Variants in KHDRBS1 observed in about 807,000 individuals in gnomAD.
The protein encoded by KHDRBS1 is KH RNA binding domain containing, signal transduction associated 1.
In KHDRBS1, 7 loss-of-function variants were observed where a neutral mutation model predicts 48.4. The observed-to-expected ratio is 0.14, with a 90% CI of 0.08 to 0.27. The LOEUF (loss-of-function observed/expected upper bound fraction) is 0.27, where lower values mean the gene tolerates loss of function less well. Among genes scored for constraint, KHDRBS1 ranks in the 10% least tolerant of loss-of-function variants. The probability of loss-of-function intolerance (pLI) is 1.00; values close to 1 mark genes in which losing one functional copy is unlikely to be tolerated. For synonymous variants in KHDRBS1, 241 were observed against 235.8 expected, an observed-to-expected ratio of 1.02 and a Z score of -0.20; for missense variants, 458 against 601.2, an observed-to-expected ratio of 0.76 and a Z score of 2.49.
At chr1:32,029,613 T>C (rs140172119) in intron 1 of KHDRBS1, among the ~76,000 whole-genome samples, 258 of 152,264 alleles carry the variant, frequency 1.7e-3, no homozygotes, top group African/African-American at 5.8e-3. Flanking sequence ...GCCGAGATCA[T>C]GCCATTGCAC....
Position 32,058,607 on chromosome 1 carries a change from G to T in KHDRBS1, n.1302-1556G>T, listed in dbSNP as rs1017840226. On this transcript the variant is annotated intron_variant and non_coding_transcript_variant, in intron 10 of 10. Coordinates refer to the KHDRBS1 transcript ENST00000484270. ...TGCTGATGAGTGGAGAATGGTTATG[G>T]GGCCCTGTTAAGAAACTTGCTAGTC... Among the ~76,000 whole-genome samples the T allele has an allele frequency of 2.0e-5, 3 of 152,206 alleles. No individual in the cohort carries two copies. The East Asian group carries it at 5.8e-4, about 29-fold the overall frequency.
chr1:32,059,224 C>T (rs1332070906), intron 10 of KHDRBS1, among the ~76,000 whole-genome samples: 1 of 150,518 alleles, frequency 6.6e-6, no homozygotes, highest in African/African-American at 2.4e-5. Context: ...ATTAAGGCTC[C>T]AGGTTACTGA....
At chr1:32,040,891 A>G (rs962295080) in intron 8 of KHDRBS1, among the ~76,000 whole-genome samples, 6 of 152,166 alleles carry the variant, frequency 3.9e-5, no homozygotes, top group Non-Finnish European at 5.9e-5. Flanking sequence ...GAAGTAGCCA[A>G]TCAGCTGCTT....
intron 8 of KHDRBS1, among the ~76,000 whole-genome samples, chr1:32,040,199 TG>T (rs1639256818): frequency 2.0e-5 from 3 of 151,960 alleles, no homozygotes; most frequent in Admixed American, 2.0e-4. Context: ...GGATCACCTG[TG>T]GTCAGGAGTT....
At chr1:32,048,228 C>G (rs1459942619), downstream of KHDRBS1, among the ~76,000 whole-genome samples, 2 of 152,172 alleles carry the variant, frequency 1.3e-5, no homozygotes, top group East Asian at 3.9e-4. Context: ...ATTTTCTTGG[C>G]TGCGCATGGC....
intron 8 of KHDRBS1, among the ~76,000 whole-genome samples, chr1:32,041,916 T>TGCAACACA (rs1639289210): frequency 6.6e-6 from 1 of 152,212 alleles, no homozygotes. Context: ...GTGCTGTCAG[T>TGCAACACA]GCAACATTTG....
intron 1 of KHDRBS1, among the ~76,000 whole-genome samples, chr1:32,014,669 C>T (rs904228602): frequency 3.3e-5 from 5 of 152,250 alleles, no homozygotes; most frequent in African/African-American, 1.2e-4. Flanking sequence ...CTCCTCCCTC[C>T]TCTTGCGGCT....
In KHDRBS1 at chr1:32,022,177, G is replaced by T. The variant is rs181432650; in HGVS notation, c.382+7800G>T. On this transcript the variant is annotated intron_variant, in intron 1 of 8. Coordinates refer to ENST00000327300, the MANE Select transcript of KHDRBS1 (RefSeq NM_006559.3). ...AGTAAATCTTTAAATCTTTAGTAGA[G>T]ACAGGGTTTCACCATAGTAGAAACA... 2.0e-3 allele frequency among the ~76,000 whole-genome samples: 299 copies of T among 151,616 alleles called. 2 individuals are homozygous for T. The highest frequency in any genetic ancestry group is 6.5e-3 in the African/African-American group (269 of 41,302).
intron 1 of KHDRBS1, among the ~76,000 whole-genome samples, chr1:32,026,996 T>C (rs1204172141): frequency 6.6e-6 from 1 of 152,216 alleles, no homozygotes; most frequent in African/African-American, 2.4e-5. Context: ...GGTTTCCCCA[T>C]GTTGACCAAG....
intron 1 of KHDRBS1, among the ~76,000 whole-genome samples, chr1:32,014,781 TGTA>T (rs1638702418): frequency 6.6e-6 from 1 of 151,240 alleles, no homozygotes; most frequent in Non-Finnish European, 1.5e-5. Context: ...TCGACCGAGG[TGTA>T]GGAGGTGAAG....
intron 1 of KHDRBS1, among the ~76,000 whole-genome samples, chr1:32,022,994 T>C (rs1355917354): frequency 1.3e-5 from 2 of 152,212 alleles, no homozygotes; most frequent in African/African-American, 2.4e-5. Context: ...TCTCTAATAT[T>C]AACTTTTTTT....
Position 32,038,023 on chromosome 1 carries a change from C to G in KHDRBS1, c.1094C>G (p.Thr365Arg). 6.2e-7 allele frequency: 1 copy of G among 1,614,088 alleles called. No individual in the cohort carries two copies. Among genetic ancestry groups the G allele is most frequent in the Non-Finnish European group, 8.5e-7 (1 of 1,179,952 alleles). The change falls in exon 6 of 9, where the codon ACA becomes AGA. Residue 365 changes from threonine to arginine, a missense_variant. Physicochemically the swap from Thr to Arg is moderately conservative, Grantham distance 71 (BLOSUM62 -1). Around this residue, in one of 3 missense-constraint regions of KHDRBS1, gnomAD observed 171 missense variants for 228.7 expected, o/e 0.75. Transcript: ENST00000327300. ...TTGCCTCCACCTCCTGCACCAGAAA[C>G]ATATGAAGAATATGTAAGAAATTTG... ...IPLPPPPAPE[T>R]YEEYGYDDTY... is the part of the protein sequence containing the mutation.
intron 8 of KHDRBS1, among the ~76,000 whole-genome samples, chr1:32,040,371 G>A (rs1007689768): frequency 4.0e-5 from 6 of 151,816 alleles, no homozygotes; most frequent in African/African-American, 7.3e-5. Flanking sequence ...AGCTGAGACC[G>A]TGCCATTGCA....
At chr1:32,059,165 GAAAAAA>G (rs1163066227) in intron 10 of KHDRBS1, among the ~76,000 whole-genome samples, 1 of 45,996 alleles carries the variant, frequency 2.2e-5, no homozygotes, top group African/African-American at 7.4e-5. Context: ...TGTCTCAGGA[GAAAAAA>G]AAAAAAAAAA....
At chr1:32,025,427 A>T (rs967170151) in intron 1 of KHDRBS1, among the ~76,000 whole-genome samples, 1 of 149,940 alleles carries the variant, frequency 6.7e-6, no homozygotes, top group East Asian at 2.0e-4. Context: ...CAGCCTCCCA[A>T]ACAGTTGGGA....
intron 1 of KHDRBS1, among the ~76,000 whole-genome samples, chr1:32,023,574 C>T (rs895568065): frequency 6.6e-6 from 1 of 152,178 alleles, no homozygotes; most frequent in African/African-American, 2.4e-5. Context: ...TATCCAAGGT[C>T]TCCAGAGACC....
chr1:32,025,227 C>G (rs1376215524), intron 1 of KHDRBS1, among the ~76,000 whole-genome samples: 1 of 147,632 alleles, frequency 6.8e-6, no homozygotes, highest in Non-Finnish European at 1.5e-5. Flanking sequence ...TATTGTGCCA[C>G]TCATTCCAGC....
chr1:32,022,222 A>G (rs1441970008), intron 1 of KHDRBS1, among the ~76,000 whole-genome samples: 1 of 151,098 alleles, frequency 6.6e-6, no homozygotes, highest in Non-Finnish European at 1.5e-5. Flanking sequence ...CATGTTGGCC[A>G]GGATAGTCTC....
intron 2 of KHDRBS1, 33 bp from the exon 3 acceptor site, chr1:32,031,490 CA>C: frequency 7.9e-7 from 1 of 1,268,652 alleles, no homozygotes; most frequent in African/African-American, 1.5e-5. Flanking sequence ...TATATAGTAG[CA>C]TGTATATTTA....
Sources: gnomAD v4.1 joint callset for allele counts (sites outside exome capture counted in the v4.1 genomes callset) on GRCh38, gnomAD v4.1.1 for gene constraint, gnomAD v4.1.1 regional missense constraint, MANE v1.5 for transcripts, NCBI Gene and HGNC (gene_info 2026-07-23, HGNC 2026-07-21) for gene names.